JAK1: variants seen among roughly 807,000 people sequenced by gnomAD.
The protein encoded by JAK1 is Janus kinase 1.
A neutral mutation model predicts 136.6 loss-of-function variants in JAK1; 16 were observed. That is an observed-to-expected ratio of 0.12 (90% CI 0.08 to 0.18). The LOEUF is 0.18. JAK1 is among the 10% of genes least tolerant of loss of function. JAK1 has a pLI of 1.00. For missense variants in JAK1, 859 were observed against 1,450.1 expected (o/e 0.59, Z 6.62); for synonymous variants, 492 against 519.5 (o/e 0.95, Z 0.72).
intron 12 of JAK1, among the ~76,000 whole-genome samples, chr1:64,848,588 C>T (rs1413331486): frequency 6.6e-6 from 1 of 152,170 alleles, no homozygotes; most frequent in Non-Finnish European, 1.5e-5. Flanking sequence ...AAGCCCTAGC[C>T]ATACCATGAT....
At chr1:64,875,193 T>TCCATTG (rs552844002) in intron 4 of JAK1, among the ~76,000 whole-genome samples, 75 of 152,124 alleles carry the variant, frequency 4.9e-4, no homozygotes, top group Non-Finnish European at 9.6e-4. Context: ...CAGGTCGCCC[T>TCCATTG]CCATTGCCAG....
In JAK1 at chr1:64,919,907, A is replaced by G. The variant is rs542254123; in HGVS notation, c.-77-33566T>C. ...CAGGACAGAGTCGGGTTCTTGGATG[A>G]GGTCCTTCCATCACTTAGTGCCTTC... On this transcript the variant is annotated intron_variant, in intron 1 of 24. Transcript: ENST00000342505. Among the ~76,000 whole-genome samples, 3 of 152,148 alleles carry G rather than the reference A, an allele frequency of 2.0e-5. No homozygotes were observed. In the East Asian group the frequency reaches 5.8e-4, roughly 29 times the overall value.
At chr1:64,985,720 C>A in intron 2 of JAK1, 1 of 695,196 alleles carries the variant, frequency 1.4e-6, no homozygotes, top group Non-Finnish European at 2.6e-6. Flanking sequence ...AGGCCAATAA[C>A]CAAGTAGGCC....
chr1:64,864,063 C>T (rs1656537674), intron 8 of JAK1, among the ~76,000 whole-genome samples: 1 of 152,208 alleles, frequency 6.6e-6, no homozygotes, highest in Non-Finnish European at 1.5e-5. Context: ...TAAACCGTAT[C>T]ACCAGGCTCT....
intron 2 of JAK1, chr1:64,985,629 G>A (rs897257308): frequency 3.7e-5 from 30 of 808,856 alleles, no homozygotes; most frequent in Admixed American, 3.2e-4. Context: ...CTGGTTGAGA[G>A]TGCCAAAGAC....
intron 1 of JAK1, among the ~76,000 whole-genome samples, chr1:64,928,488 G>A (rs1369269633): frequency 6.6e-6 from 1 of 152,012 alleles, no homozygotes. Context: ...ACACAAATAT[G>A]CACACACAAA....
intron 1 of JAK1, among the ~76,000 whole-genome samples, chr1:65,056,236 G>A (rs1245536977): frequency 1.3e-5 from 2 of 152,338 alleles, no homozygotes; most frequent in African/African-American, 2.4e-5. Context: ...AAAACGTAGT[G>A]TAGCTTATAT....
chr1:64,983,331 G>C (rs1003881656), intron 2 of JAK1, among the ~76,000 whole-genome samples: 1 of 152,122 alleles, frequency 6.6e-6, no homozygotes, highest in Non-Finnish European at 1.5e-5. Context: ...ACAGGACCAC[G>C]GTGGTCATGG....
At chr1:64,834,682 A>G (rs780650416) in intron 24 of JAK1, 25 bp from the exon 25 acceptor site, 2 of 1,435,424 alleles carry the variant, frequency 1.4e-6, no homozygotes, top group Non-Finnish European at 9.8e-7. Flanking sequence ...AAGTAACAAC[A>G]GTAAAAATGT....
At chr1:65,028,138 G>A (rs1278022798) in intron 2 of JAK1, among the ~76,000 whole-genome samples, 1 of 151,972 alleles carries the variant, frequency 6.6e-6, no homozygotes, top group South Asian at 2.1e-4. Flanking sequence ...TGCCTGGAAC[G>A]CTTTTCCCTC....
intron 1 of JAK1, among the ~76,000 whole-genome samples, chr1:64,939,017 C>G (rs1455998939): frequency 6.6e-6 from 1 of 152,150 alleles, no homozygotes. Context: ...ACTTTGTTGT[C>G]CAGGCTGGAG....
At chr1:64,903,969 A>C (rs751711108) in intron 1 of JAK1, among the ~76,000 whole-genome samples, 3 of 152,200 alleles carry the variant, frequency 2.0e-5, no homozygotes, top group Non-Finnish European at 4.4e-5. Context: ...TTGAGAGCAA[A>C]AACAAGATCA....
intron 1 of JAK1, among the ~76,000 whole-genome samples, chr1:64,909,192 T>C (rs1274857092): frequency 6.6e-6 from 1 of 152,206 alleles, no homozygotes; most frequent in Non-Finnish European, 1.5e-5. Flanking sequence ...TGGTATTTAA[T>C]GGTGTATCTC....
intron 1 of JAK1, among the ~76,000 whole-genome samples, chr1:64,888,571 C>A (rs1644887454): frequency 6.6e-6 from 1 of 152,178 alleles, no homozygotes; most frequent in Admixed American, 6.5e-5. Context: ...ATGTAAGATT[C>A]AAGGATCTGA....
chr1:64,954,403 C>A (rs548668884), intron 1 of JAK1, among the ~76,000 whole-genome samples: 3 of 152,310 alleles, frequency 2.0e-5, no homozygotes, highest in South Asian at 4.1e-4. Flanking sequence ...CTCCTCCCCA[C>A]GTGGGATGAT....
At chr1:65,054,588 A>T (rs1464157180) in intron 1 of JAK1, among the ~76,000 whole-genome samples, 1 of 152,098 alleles carries the variant, frequency 6.6e-6, no homozygotes, top group Non-Finnish European at 1.5e-5. Context: ...TGTTTAAAAA[A>T]ACTCCAAAGA....
At chr1:64,985,549 G>A in intron 2 of JAK1, 1 of 1,256,128 alleles carries the variant, frequency 8.0e-7, no homozygotes, top group Non-Finnish European at 1.1e-6. Context: ...ACAGGCCATA[G>A]GTCTTCAGAC....
At chr1:64,864,723 G>A (rs899766462) in intron 8 of JAK1, 64 bp downstream of exon 8, 28 of 1,257,766 alleles carry the variant, frequency 2.2e-5, no homozygotes, top group African/African-American at 1.1e-4. Context: ...GCTGCAGAAC[G>A]GAACTCAGCA....
chr1:64,934,909 G>A (rs1407249291), intron 1 of JAK1, among the ~76,000 whole-genome samples: 1 of 152,108 alleles, frequency 6.6e-6, no homozygotes, highest in Non-Finnish European at 1.5e-5. Context: ...GAATGATGAG[G>A]GTCCACTAGT....
Sources: gnomAD v4.1 joint callset for allele counts (sites outside exome capture counted in the v4.1 genomes callset) on GRCh38, gnomAD v4.1.1 for gene constraint, MANE v1.5 for transcripts, NCBI Gene and HGNC (gene_info 2026-07-23, HGNC 2026-07-21) for gene names.